Variants in NSG2 observed in about 807,000 individuals in gnomAD.
NSG2 encodes the protein neuronal vesicle trafficking associated 2.
In NSG2, 4 loss-of-function variants were observed where a neutral mutation model predicts 16.9. The ratio of observed to expected loss-of-function variants is 0.24; its 90% CI spans 0.12 to 0.54. NSG2 has a LOEUF of 0.54. Among genes scored for constraint, NSG2 ranks in the 20% least tolerant of loss-of-function variants. The pLI is 0.95. For missense variants in NSG2, 179 were observed against 221.1 expected (o/e 0.81, Z 1.21); for synonymous variants, 98 against 88.7 (o/e 1.11, Z -0.59).
chr5:174,098,454 G>T (rs932144716), intron 3 of NSG2, among the ~76,000 whole-genome samples: 1 of 151,924 alleles, frequency 6.6e-6, no homozygotes, highest in Non-Finnish European at 1.5e-5. Context: ...TGTCCCCTTC[G>T]TCACAGCCAG....
At chr5:174,099,209 G>A (rs1048113499) in intron 3 of NSG2, among the ~76,000 whole-genome samples, 8 of 152,088 alleles carry the variant, frequency 5.3e-5, no homozygotes, top group South Asian at 2.1e-4. Context: ...AGGAAATCTC[G>A]CCCTGGAACC....
intron 2 of NSG2, among the ~76,000 whole-genome samples, chr5:174,054,372 C>T (rs1379428768): frequency 2.0e-5 from 3 of 152,130 alleles, no homozygotes; most frequent in African/African-American, 4.8e-5. Context: ...AAGAATGCGT[C>T]GAATTTTATT....
At chr5:174,080,600 C>T (rs981476854) in intron 3 of NSG2, among the ~76,000 whole-genome samples, 4 of 143,096 alleles carry the variant, frequency 2.8e-5, no homozygotes, top group South Asian at 2.2e-4. Flanking sequence ...TCTGTTCTGT[C>T]GTCCAGGCTG....
intron 3 of NSG2, among the ~76,000 whole-genome samples, chr5:174,078,295 GAC>G (rs142260815): frequency 3.9e-4 from 58 of 149,826 alleles, no homozygotes; most frequent in Admixed American, 6.0e-4. Context: ...CACACACACA[GAC>G]ACACACACAC....
chr5:174,073,971 C>G (rs991512338), intron 3 of NSG2, among the ~76,000 whole-genome samples: 1 of 152,176 alleles, frequency 6.6e-6, no homozygotes, highest in Non-Finnish European at 1.5e-5. Flanking sequence ...CTCCTGAGAG[C>G]TGATTCTTCC....
intron 4 of NSG2, among the ~76,000 whole-genome samples, chr5:174,105,273 G>A (rs546768031): frequency 1.3e-5 from 2 of 152,288 alleles, no homozygotes; most frequent in South Asian, 2.1e-4. Context: ...CTGAAAATGT[G>A]TATACTTCGG....
chr5:174,093,093 G>C (rs1760744995), intron 3 of NSG2, among the ~76,000 whole-genome samples: 1 of 152,142 alleles, frequency 6.6e-6, no homozygotes, highest in Non-Finnish European at 1.5e-5. Context: ...CTGGGCTTCT[G>C]AGTGAGACAG....
chr5:174,047,044 C>T (rs1237464331), intron 2 of NSG2, among the ~76,000 whole-genome samples, 160 bp downstream of exon 2: 2 of 152,160 alleles, frequency 1.3e-5, no homozygotes, highest in Non-Finnish European at 2.9e-5. Context: ...GCCAAGACAT[C>T]TCTTGTGTTA....
intron 3 of NSG2, 148 bp downstream of exon 3, chr5:174,064,463 G>A (rs1760108569): frequency 6.0e-6 from 3 of 499,200 alleles, no homozygotes; most frequent in African/African-American, 5.7e-5. Flanking sequence ...ATACAGTCTG[G>A]CCACTGAGTT....
chr5:174,087,630 A>T (rs977953936), intron 3 of NSG2, among the ~76,000 whole-genome samples: 20 of 151,886 alleles, frequency 1.3e-4, no homozygotes, highest in Middle Eastern at 3.4e-3. Flanking sequence ...AAAATAATAA[A>T]AAAAAAATAG....
At chr5:174,057,849 T>C (rs1759989122) in intron 2 of NSG2, among the ~76,000 whole-genome samples, 1 of 152,148 alleles carries the variant, frequency 6.6e-6, no homozygotes, top group Non-Finnish European at 1.5e-5. Flanking sequence ...TTTGCTGGTA[T>C]TGTCTCTCCC....
At chr5:174,102,421 T>A (rs142957490) in intron 3 of NSG2, among the ~76,000 whole-genome samples, 1 of 152,328 alleles carries the variant, frequency 6.6e-6, no homozygotes, top group African/African-American at 2.4e-5. Flanking sequence ...AGAAGAATCC[T>A]GCCATATTTC....
intron 3 of NSG2, among the ~76,000 whole-genome samples, chr5:174,068,773 CAT>C: frequency 4.1e-5 from 4 of 97,778 alleles, no homozygotes; most frequent in Admixed American, 1.0e-4. Context: ...GTGCTGGTGT[CAT>C]GGGAATCCTG....
At chr5:174,049,443 G>C (rs867818620) in intron 2 of NSG2, among the ~76,000 whole-genome samples, 4 of 143,856 alleles carry the variant, frequency 2.8e-5, no homozygotes, top group Non-Finnish European at 6.3e-5. Context: ...GCACGCGCAC[G>C]TGCACACACA....
At position 174,082,360 on chromosome 5, in the gene NSG2, A is replaced by G. The variant is rs373064366; in HGVS notation, c.213+18045A>G. ...TTTATGTGAATTTGATTCTAAAGCA[A>G]TATCATTTATCATTGAATATTAATG... On this transcript the variant is annotated intron_variant, in intron 3 of 4. Coordinates refer to ENST00000303177, the MANE Select transcript of NSG2 (RefSeq NM_015980.5). 5.9e-5 allele frequency: 9 copies of G among 152,246 alleles called. No homozygotes were observed. In the South Asian group the frequency reaches 1.9e-3, roughly 31 times the overall value. 9.4% of individuals were successfully genotyped at this position (152,246 alleles called of 1,614,324 possible).
chr5:174,088,471 C>T (rs1433730327), intron 3 of NSG2, among the ~76,000 whole-genome samples: 1 of 152,136 alleles, frequency 6.6e-6, no homozygotes, highest in Non-Finnish European at 1.5e-5. Context: ...TCATGATCAC[C>T]CTGGTTATCT....
At chr5:174,095,751 C>T (rs1284055350) in intron 3 of NSG2, among the ~76,000 whole-genome samples, 1 of 152,224 alleles carries the variant, frequency 6.6e-6, no homozygotes, top group Non-Finnish European at 1.5e-5. Flanking sequence ...ACCCTCAGAA[C>T]TCCGAGAGAC....
intron 3 of NSG2, among the ~76,000 whole-genome samples, chr5:174,087,148 T>C (rs767386424): frequency 5.4e-4 from 83 of 152,332 alleles, no homozygotes; most frequent in Non-Finnish European, 1.1e-3. Context: ...GTGAGATTCA[T>C]TGGGGCCCTA....
Position 174,108,546 on chromosome 5 carries a change from C to T in NSG2, c.*1041C>T, listed in dbSNP as rs1761021242. ...CTGAAGGTTGGGGCCACCACAATGC[C>T]AAATCGTTTCTAAAGGAAGCTGAAA... is the stretch of plus-strand genomic sequence containing the variant. On this transcript the variant is annotated 3_prime_UTR_variant, in exon 5 of 5. Transcript: ENST00000303177. The T allele has an allele frequency of 6.6e-6, 1 of 152,388 alleles. No homozygotes were observed. The highest frequency in any genetic ancestry group is 1.5e-5 in the Non-Finnish European group (1 of 68,080). 9.4% of individuals were successfully genotyped at this position (152,388 alleles called of 1,614,324 possible).
Sources: allele counts gnomAD v4.1 joint callset (sites outside exome capture counted in the v4.1 genomes callset), GRCh38; gene constraint gnomAD v4.1.1; transcripts MANE v1.5; gene names NCBI Gene and HGNC (gene_info 2026-07-23, HGNC 2026-07-21).